ASXL3: variants seen among roughly 807,000 people sequenced by gnomAD.
ASXL3 encodes ASXL transcriptional regulator 3, also known as putative Polycomb group protein ASXL3.
In ASXL3, 34 loss-of-function variants were observed where a neutral mutation model predicts 170.6. The observed-to-expected ratio is 0.20, with a 90% CI of 0.15 to 0.27. The LOEUF (loss-of-function observed/expected upper bound fraction) is 0.27. Ranked by LOEUF, ASXL3 falls within the 10% of genes least tolerant of loss-of-function variation. The probability of loss-of-function intolerance (pLI) is 1.00; values close to 1 mark genes in which losing one functional copy is unlikely to be tolerated. For missense variants in ASXL3, 2,592 were observed against 2,695.3 expected, an observed-to-expected ratio of 0.96 and a Z score of 0.85; for synonymous variants, 1,002 against 989.1, an observed-to-expected ratio of 1.01 and a Z score of -0.24.
intron 8 of ASXL3, among the ~76,000 whole-genome samples, chr18:33,699,846 G>T (rs1458207794): frequency 6.6e-6 from 1 of 151,654 alleles, no homozygotes; most frequent in Admixed American, 6.6e-5. Context: ...TTTTTTCTTA[G>T]ACCATTTTAC....
chr18:33,629,173 C>T (rs957535457), intron 2 of ASXL3, among the ~76,000 whole-genome samples: 1 of 152,106 alleles, frequency 6.6e-6, no homozygotes, highest in Non-Finnish European at 1.5e-5. Flanking sequence ...TATCTACTAT[C>T]AACTCCTGAA....
At chr18:33,604,723 C>T (rs1472271817) in intron 1 of ASXL3, among the ~76,000 whole-genome samples, 1 of 151,956 alleles carries the variant, frequency 6.6e-6, no homozygotes, top group Non-Finnish European at 1.5e-5. Context: ...TCCAGCTCAA[C>T]ATGAACAGCT....
chr18:33,673,332 A>G (rs371313273), intron 7 of ASXL3, among the ~76,000 whole-genome samples: 2 of 151,462 alleles, frequency 1.3e-5, no homozygotes, highest in South Asian at 2.1e-4. Context: ...TTACTAAGGT[A>G]TACCCTTATC....
chr18:33,645,464 T>C (rs1202160139), intron 3 of ASXL3, among the ~76,000 whole-genome samples: 1 of 151,910 alleles, frequency 6.6e-6, no homozygotes, highest in Non-Finnish European at 1.5e-5. Context: ...CAAATCGTGA[T>C]CTCAAGGAAG....
chr18:33,722,018 G>A (rs1008305888), intron 8 of ASXL3, among the ~76,000 whole-genome samples: 16 of 151,282 alleles, frequency 1.1e-4, no homozygotes, highest in Admixed American at 3.3e-4. Flanking sequence ...TTTTACTATC[G>A]CATTTGTTTT....
At chr18:33,735,083 G>A (rs550467548) in intron 10 of ASXL3, among the ~76,000 whole-genome samples, 1 of 152,150 alleles carries the variant, frequency 6.6e-6, no homozygotes, top group South Asian at 2.1e-4. Flanking sequence ...AGGGGTTTAA[G>A]AACTTACTAT....
At chr18:33,699,491 A>T (rs2066832976) in intron 8 of ASXL3, among the ~76,000 whole-genome samples, 1 of 152,158 alleles carries the variant, frequency 6.6e-6, no homozygotes, top group African/African-American at 2.4e-5. Context: ...ATTGAGTATT[A>T]CTCATGTATT....
At chr18:33,638,448 G>T (rs573826569) in intron 2 of ASXL3, among the ~76,000 whole-genome samples, 20 of 152,186 alleles carry the variant, frequency 1.3e-4, no homozygotes, top group Middle Eastern at 3.4e-3. Flanking sequence ...GTCATCTTCT[G>T]CAGCCTAGTT....
At chr18:33,644,868 C>A in intron 2 of ASXL3, 26 bp from the exon 3 acceptor site, 1 of 1,465,460 alleles carries the variant, frequency 6.8e-7, no homozygotes, top group South Asian at 1.3e-5. Context: ...CAGACTGCTT[C>A]ATTTTTGCAC....
intron 8 of ASXL3, among the ~76,000 whole-genome samples, chr18:33,711,188 A>G (rs1324133608): frequency 1.3e-5 from 2 of 152,214 alleles, no homozygotes; most frequent in East Asian, 1.9e-4. Flanking sequence ...AGATGTTTGT[A>G]TTTGTTTTAT....
At chr18:33,734,814 T>C (rs1460222195) in intron 10 of ASXL3, among the ~76,000 whole-genome samples, 5 of 152,220 alleles carry the variant, frequency 3.3e-5, no homozygotes, top group Admixed American at 3.3e-4. Context: ...CTGTGTCTAA[T>C]GCATTTTAAT....
rs1031032983 is a variant in ASXL3, at chr18:33,747,167, G to C, written c.*572G>C. 1.3e-5 allele frequency: 2 copies of C among 152,226 alleles called. No homozygotes were observed. The highest frequency in any genetic ancestry group is 3.9e-4 in the East Asian group (2 of 5,186). 9.4% of individuals were successfully genotyped at this position (152,226 alleles called of 1,614,324 possible). A position where few individuals can be genotyped will look rare whatever the true frequency, so the allele number is the denominator to read the frequency against. ...AGGTATGCCATTAATGAAATCCACT[G>C]TCCTGAGTATTATCTTTCCTCCTGT... On this transcript the variant is annotated 3_prime_UTR_variant, in exon 12 of 12. Coordinates refer to ENST00000269197, the MANE Select transcript of ASXL3 (RefSeq NM_030632.3).
intron 8 of ASXL3, among the ~76,000 whole-genome samples, chr18:33,710,312 A>T: frequency 6.6e-6 from 1 of 152,096 alleles, no homozygotes; most frequent in East Asian, 1.9e-4. Context: ...TCAATGTGTT[A>T]TTTTTCCCCC....
At chr18:33,684,688 T>C (rs969849888) in intron 8 of ASXL3, among the ~76,000 whole-genome samples, 1 of 152,164 alleles carries the variant, frequency 6.6e-6, no homozygotes, top group Non-Finnish European at 1.5e-5. Context: ...CAGTGAATGC[T>C]TATTGAATGA....
chr18:33,734,472 T>C (rs2067511507), intron 10 of ASXL3, 57 bp downstream of exon 10: 4 of 1,181,504 alleles, frequency 3.4e-6, no homozygotes, highest in Middle Eastern at 2.3e-4. Flanking sequence ...AATGTAATTC[T>C]CTGCTTCACA....
intron 8 of ASXL3, among the ~76,000 whole-genome samples, chr18:33,713,248 G>GTTTTTTTTTTTTTTTTTT (rs1226619353): frequency 6.1e-5 from 4 of 65,100 alleles, no homozygotes; most frequent in South Asian, 4.9e-4. Flanking sequence ...GTTTTGTTTT[G>GTTTTTTTTTTTTTTTTTT]TTTTTTTTTT....
chr18:33,647,586 C>G (rs2065934798), intron 4 of ASXL3, among the ~76,000 whole-genome samples: 1 of 151,900 alleles, frequency 6.6e-6, no homozygotes, highest in African/African-American at 2.4e-5. Context: ...GCATACTTTT[C>G]CCTTTCAGGA....
chr18:33,716,894 G>A (rs551929005), intron 8 of ASXL3, among the ~76,000 whole-genome samples: 34 of 77,808 alleles, frequency 4.4e-4, no homozygotes, highest in African/African-American at 2.8e-3. Flanking sequence ...GAGATTTGCT[G>A]GTTAAAAAAA....
At chr18:33,651,690 G>A (rs910606204) in intron 4 of ASXL3, among the ~76,000 whole-genome samples, 1 of 152,126 alleles carries the variant, frequency 6.6e-6, no homozygotes, top group Admixed American at 6.6e-5. Flanking sequence ...TAGGGGATAA[G>A]CAGAGAAGTA....
Sources: gnomAD v4.1 joint callset for allele counts (sites outside exome capture counted in the v4.1 genomes callset) on GRCh38, gnomAD v4.1.1 for gene constraint, MANE v1.5 for transcripts, NCBI Gene and HGNC (gene_info 2026-07-23, HGNC 2026-07-21) for gene names.